The following JAZF1 variants were observed in gnomAD, a reference collection of about 807,000 sequenced individuals.
JAZF1 encodes JAZF zinc finger 1, also known as juxtaposed with another zinc finger protein 1.
A neutral mutation model predicts 26.4 loss-of-function variants in JAZF1; 8 were observed. The observed-to-expected ratio is 0.30, with a 90% confidence interval of 0.18 to 0.55. The LOEUF (loss-of-function observed/expected upper bound fraction) is 0.55. Among genes scored for constraint, JAZF1 ranks in the 20% least tolerant of loss-of-function variants. The probability of loss-of-function intolerance (pLI) is 0.94; values close to 1 mark genes in which losing one functional copy is unlikely to be tolerated. For synonymous variants in JAZF1, 126 were observed against 122.3 expected, an observed-to-expected ratio of 1.03 and a Z score of -0.20; for missense variants, 199 against 322.0, an observed-to-expected ratio of 0.62 and a Z score of 2.92.
chr7:27,858,640 C>T (rs1337067764), intron 3 of JAZF1, among the ~76,000 whole-genome samples: 1 of 152,172 alleles, frequency 6.6e-6, no homozygotes, highest in African/African-American at 2.4e-5. Flanking sequence ...AAAGGATTCC[C>T]TATTTAATAA....
intron 1 of JAZF1, among the ~76,000 whole-genome samples, chr7:28,132,706 G>A (rs1457636266): frequency 6.6e-6 from 1 of 152,100 alleles, no homozygotes; most frequent in Non-Finnish European, 1.5e-5. Flanking sequence ...ACATAGACAT[G>A]GAAGAAAGGT....
intron 1 of JAZF1, among the ~76,000 whole-genome samples, chr7:28,176,398 T>C (rs1176823152): frequency 6.6e-6 from 1 of 152,234 alleles, no homozygotes; most frequent in African/African-American, 2.4e-5. Context: ...AATGTCCTCA[T>C]GACTAACTCT....
chr7:27,841,764 T>C (rs1007393647), intron 3 of JAZF1: 1 of 152,242 alleles, frequency 6.6e-6, no homozygotes, highest in African/African-American at 2.4e-5. Context: ...TCTTTTTTAA[T>C]GAGGCCCAAA....
At chr7:27,983,123 C>T (rs4422694) in intron 2 of JAZF1, among the ~76,000 whole-genome samples, 35,345 of 152,076 alleles carry the variant, frequency 0.23, 4,511 homozygotes, top group East Asian at 0.49. Flanking sequence ...AAGAAGGCTT[C>T]AGATGACCGG....
At chr7:27,854,016 T>C (rs1003668427) in intron 3 of JAZF1, among the ~76,000 whole-genome samples, 6 of 152,082 alleles carry the variant, frequency 3.9e-5, no homozygotes, top group African/African-American at 1.4e-4. Context: ...AGACTCTTTG[T>C]AGGTCTCTAA....
chr7:28,139,807 C>T (rs888184164), intron 1 of JAZF1, among the ~76,000 whole-genome samples: 2 of 152,188 alleles, frequency 1.3e-5, no homozygotes, highest in African/African-American at 2.4e-5. Context: ...AACGACTAGG[C>T]CTTGGACACA....
intron 3 of JAZF1, among the ~76,000 whole-genome samples, chr7:27,885,381 A>C (rs1303866274): frequency 6.6e-6 from 1 of 152,258 alleles, no homozygotes; most frequent in Non-Finnish European, 1.5e-5. Context: ...CTAAAATAAC[A>C]ACCAGGATAT....
At chr7:28,003,088 T>G (rs1159130151) in intron 1 of JAZF1, among the ~76,000 whole-genome samples, 1 of 151,920 alleles carries the variant, frequency 6.6e-6, no homozygotes, top group Non-Finnish European at 1.5e-5. Context: ...TATTTGAAGG[T>G]TTTTCAATTA....
chr7:28,173,404 CACAT>C (rs1783502107), intron 1 of JAZF1, among the ~76,000 whole-genome samples: 1 of 152,104 alleles, frequency 6.6e-6, no homozygotes, highest in Non-Finnish European at 1.5e-5. Flanking sequence ...TACATATACA[CACAT>C]AAATATATAC....
chr7:27,897,454 G>C (rs986261515), intron 2 of JAZF1, among the ~76,000 whole-genome samples: 1 of 152,188 alleles, frequency 6.6e-6, no homozygotes, highest in Non-Finnish European at 1.5e-5. Flanking sequence ...AGGAATTAAC[G>C]TACGTCTTTT....
At chr7:28,138,815 C>A (rs1430609807) in intron 1 of JAZF1, among the ~76,000 whole-genome samples, 2 of 152,188 alleles carry the variant, frequency 1.3e-5, no homozygotes, top group African/African-American at 4.8e-5. Flanking sequence ...CCCAGACTTA[C>A]CACTTGTGAG....
At chr7:27,934,060 G>T (rs1458899173) in intron 2 of JAZF1, among the ~76,000 whole-genome samples, 1 of 152,168 alleles carries the variant, frequency 6.6e-6, no homozygotes, top group Admixed American at 6.5e-5. Context: ...CATGGAAATT[G>T]AAAGAGTATG....
chr7:28,076,559 T>C (rs1784054153), intron 1 of JAZF1, among the ~76,000 whole-genome samples: 1 of 152,204 alleles, frequency 6.6e-6, no homozygotes. Flanking sequence ...ATGCGAATTC[T>C]GAATTCCGGT....
chr7:27,838,406 G>A (rs1281088450), intron 4 of JAZF1, among the ~76,000 whole-genome samples: 1 of 152,112 alleles, frequency 6.6e-6, no homozygotes, highest in Non-Finnish European at 1.5e-5. Context: ...TGGGAGTTCG[G>A]TACCTCATCT....
intron 1 of JAZF1, among the ~76,000 whole-genome samples, chr7:28,015,270 A>G (rs564308771): frequency 6.6e-6 from 1 of 152,272 alleles, no homozygotes; most frequent in Non-Finnish European, 1.5e-5. Flanking sequence ...GACAACCAAG[A>G]TAAGCTTAAG....
At position 27,970,495 on chromosome 7, in the gene JAZF1, G is replaced by C. The variant is rs116355290; in HGVS notation, c.188+21414C>G. Among the ~76,000 whole-genome samples, 798 of 152,282 alleles carry C rather than the reference G, an allele frequency of 5.2e-3. 8 individuals carry two copies. Among genetic ancestry groups the C allele is most frequent in the African/African-American group, 0.018 (758 of 41,570 alleles). On this transcript the variant is annotated intron_variant, in intron 2 of 4. Transcript: ENST00000283928. ...AAAAAACTTACATCATTACTTTCAA[G>C]TAGCCTGTAACCGAAATGTAGCATT...
chr7:27,897,782 T>C (rs534366754), intron 2 of JAZF1, among the ~76,000 whole-genome samples: 1 of 152,294 alleles, frequency 6.6e-6, no homozygotes, highest in African/African-American at 2.4e-5. Context: ...CTCCTACCTC[T>C]CTGCACCTGA....
intron 2 of JAZF1, among the ~76,000 whole-genome samples, chr7:27,934,365 A>G (rs1784730732): frequency 6.6e-6 from 1 of 152,184 alleles, no homozygotes; most frequent in Non-Finnish European, 1.5e-5. Context: ...AAAGGAAGAA[A>G]AAGAGAGAAA....
At chr7:27,930,825 A>AT (rs138726528) in intron 2 of JAZF1, among the ~76,000 whole-genome samples, 17,872 of 141,744 alleles carry the variant, frequency 0.13, 2,003 homozygotes, top group East Asian at 0.53. Flanking sequence ...ATAGACAGCC[A>AT]TTTTTTTTAA....
Sources: gnomAD v4.1 joint callset for allele counts (sites outside exome capture counted in the v4.1 genomes callset) on GRCh38, gnomAD v4.1.1 for gene constraint, MANE v1.5 for transcripts, NCBI Gene and HGNC (gene_info 2026-07-23, HGNC 2026-07-21) for gene names.